The following NDST3 variants were observed in gnomAD, a reference collection of about 807,000 sequenced individuals.
The protein encoded by NDST3 is N-deacetylase and N-sulfotransferase 3.
In NDST3, 58 loss-of-function variants were observed where a neutral mutation model predicts 96.1. The ratio of observed to expected loss-of-function variants is 0.60; its 90% CI spans 0.49 to 0.75. The LOEUF (loss-of-function observed/expected upper bound fraction) is 0.75, where lower values mean the gene tolerates loss of function less well. NDST3 is among the 30% of genes least tolerant of loss of function. The pLI, the probability that NDST3 is intolerant of heterozygous loss-of-function variation, is 0.00. For synonymous variants in NDST3, 333 were observed against 359.7 expected (o/e 0.93, Z 0.84); for missense variants, 788 against 1,034.2 (o/e 0.76, Z 3.27).
intron 1 of NDST3, among the ~76,000 whole-genome samples, chr4:118,049,534 A>G (rs1724957197): frequency 6.6e-6 from 1 of 152,044 alleles, no homozygotes; most frequent in South Asian, 2.1e-4. Context: ...CAAAAATGAC[A>G]AAGATAACAT....
chr4:118,193,584 T>G (rs1737459181), intron 6 of NDST3: 1 of 1,146,998 alleles, frequency 8.7e-7, no homozygotes, highest in Non-Finnish European at 1.3e-6. Context: ...TGCCTGCAGA[T>G]CTGCTGCTGG....
At chr4:118,169,240 G>C (rs1735763396) in intron 6 of NDST3, among the ~76,000 whole-genome samples, 1 of 151,942 alleles carries the variant, frequency 6.6e-6, no homozygotes. Context: ...AAAACAAATA[G>C]TCTGGACTTT....
intron 2 of NDST3, among the ~76,000 whole-genome samples, chr4:118,097,226 T>C (rs959484552): frequency 6.6e-6 from 1 of 151,944 alleles, no homozygotes; most frequent in Non-Finnish European, 1.5e-5. Flanking sequence ...GCCAGCACAA[T>C]TTTTAGGACC....
chr4:118,145,225 C>A (rs1470738589), intron 6 of NDST3, among the ~76,000 whole-genome samples: 4 of 152,150 alleles, frequency 2.6e-5, no homozygotes, highest in Admixed American at 6.5e-5. Flanking sequence ...AAGAGTTAAA[C>A]CAATGCCTGG....
intron 1 of NDST3, among the ~76,000 whole-genome samples, chr4:118,046,683 G>A (rs190431700): frequency 3.2e-4 from 48 of 152,236 alleles, no homozygotes; most frequent in African/African-American, 1.1e-3. Flanking sequence ...GAAGGATGGA[G>A]CCCCAATTCC....
intron 6 of NDST3, among the ~76,000 whole-genome samples, chr4:118,205,517 A>G (rs575671273): frequency 6.9e-6 from 1 of 144,852 alleles, no homozygotes; most frequent in South Asian, 2.3e-4. Flanking sequence ...TTGTATCTAC[A>G]TTAGATGGTT....
intron 6 of NDST3, among the ~76,000 whole-genome samples, chr4:118,145,650 G>A (rs374070266): frequency 8.5e-4 from 130 of 152,202 alleles, no homozygotes; most frequent in African/African-American, 2.9e-3. Context: ...AACAAACCTC[G>A]CTATTTTTCA....
At chr4:118,162,978 C>A (rs1024159761) in intron 6 of NDST3, among the ~76,000 whole-genome samples, 1 of 149,828 alleles carries the variant, frequency 6.7e-6, no homozygotes, top group African/African-American at 2.4e-5. Context: ...GACATTTATG[C>A]AGCCAAAAAA....
At chr4:118,139,590 A>C (rs2125901091) in intron 5 of NDST3, among the ~76,000 whole-genome samples, 1 of 152,346 alleles carries the variant, frequency 6.6e-6, no homozygotes, top group African/African-American at 2.4e-5. Flanking sequence ...GAGAGAATGC[A>C]TCTAGAAATA....
chr4:118,200,132 G>A (rs1737972696), intron 6 of NDST3, among the ~76,000 whole-genome samples: 1 of 152,198 alleles, frequency 6.6e-6, no homozygotes, highest in African/African-American at 2.4e-5. Context: ...CCTTGAGGGT[G>A]ATGAGTTTCT....
In NDST3 at chr4:118,054,531, T is replaced by C; in HGVS notation, c.621T>C (p.Ser207=). Residue 207 remains serine, a synonymous_variant, in exon 2 of 14, where the codon TCT becomes TCC. Coordinates refer to ENST00000296499, the MANE Select transcript of NDST3 (RefSeq NM_004784.3). ...PHSPLIRVTK[S]SKLEKGSLPG... ...CTCCATTGATTCGTGTGACCAAATC[T>C]TCCAAGCTTGAAAAAGGTTCTTTAC... 4 of 1,613,326 alleles carry C rather than the reference T, an allele frequency of 2.5e-6. No homozygotes were observed. The highest frequency in any genetic ancestry group is 3.4e-6 in the Non-Finnish European group (4 of 1,179,468).
chr4:118,181,103 G>A (rs887554893), intron 6 of NDST3, among the ~76,000 whole-genome samples: 2 of 152,068 alleles, frequency 1.3e-5, no homozygotes, highest in African/African-American at 4.8e-5. Context: ...GATTCTCAGG[G>A]CTCCATGAGG....
intron 2 of NDST3, among the ~76,000 whole-genome samples, chr4:118,080,271 T>G (rs1727904065): frequency 6.6e-6 from 1 of 151,950 alleles, no homozygotes; most frequent in Non-Finnish European, 1.5e-5. Flanking sequence ...GATGTCCAAG[T>G]AGAGATGTGC....
rs1325213881 is a variant in NDST3, at chr4:118,153,386, G to T, written c.1539+9702G>T. 4.6e-5 allele frequency among the ~76,000 whole-genome samples: 7 copies of T among 152,292 alleles called. No individual in the cohort carries two copies. In the East Asian group the frequency reaches 1.4e-3, roughly 29 times the overall value. On this transcript the variant is annotated intron_variant, in intron 6 of 13. Transcript: ENST00000296499. ...GGTACTTAAAAAATATTTTATAAAT[G>T]AATGAATGAACTTAAATGTCCAAAA... is the stretch of plus-strand genomic sequence containing the variant.
chr4:118,161,320 G>C (rs1371476754), intron 6 of NDST3, among the ~76,000 whole-genome samples: 1 of 152,232 alleles, frequency 6.6e-6, no homozygotes, highest in African/African-American at 2.4e-5. Context: ...GGGGGTCAGG[G>C]TCAGGGACCC....
chr4:118,203,385 T>C (rs1244650614), intron 6 of NDST3, among the ~76,000 whole-genome samples: 1 of 152,178 alleles, frequency 6.6e-6, no homozygotes, highest in Non-Finnish European at 1.5e-5. Flanking sequence ...TCAGTAGGAT[T>C]GGTATCAGTT....
At chr4:118,163,625 T>A (rs1560690308) in intron 6 of NDST3, among the ~76,000 whole-genome samples, 1 of 151,942 alleles carries the variant, frequency 6.6e-6, no homozygotes, top group Non-Finnish European at 1.5e-5. Flanking sequence ...AGGGGAGGGA[T>A]AGCATGAGGA....
chr4:118,213,322 G>A (rs749734632), intron 6 of NDST3, among the ~76,000 whole-genome samples: 5 of 152,174 alleles, frequency 3.3e-5, no homozygotes, highest in Admixed American at 6.5e-5. Context: ...CCAGTGTGCT[G>A]AACCCAAGAC....
chr4:118,060,698 C>A (rs996189624), intron 2 of NDST3, among the ~76,000 whole-genome samples: 14 of 151,944 alleles, frequency 9.2e-5, no homozygotes, highest in Admixed American at 9.2e-4. Context: ...TCTATCCATT[C>A]CTGGTTTAAA....
Sources: gnomAD v4.1 joint callset for allele counts (sites outside exome capture counted in the v4.1 genomes callset) on GRCh38, gnomAD v4.1.1 for gene constraint, MANE v1.5 for transcripts, NCBI Gene and HGNC (gene_info 2026-07-23, HGNC 2026-07-21) for gene names.